The following CDKL2 variants were observed in gnomAD, a reference collection of about 807,000 sequenced individuals.
The protein encoded by CDKL2 is cyclin-dependent kinase-like 2.
CDKL2 carries 64 observed loss-of-function variants against 63.9 expected under a neutral mutation model. That is an observed-to-expected ratio of 1.00 (90% CI 0.82 to 1.23). CDKL2 has a LOEUF of 1.23. Ranked by LOEUF, CDKL2 falls within the 50% of genes most tolerant of loss-of-function variation. The pLI is 0.00. For missense variants in CDKL2, 656 were observed against 668.0 expected (o/e 0.98, Z 0.20); for synonymous variants, 211 against 229.2 (o/e 0.92, Z 0.72).
chr4:75,601,772 T>C (rs1196477157), intron 6 of CDKL2, among the ~76,000 whole-genome samples: 1 of 152,204 alleles, frequency 6.6e-6, no homozygotes, highest in Non-Finnish European at 1.5e-5. Context: ...ATTAAAAATA[T>C]TTGCATCTGT....
intron 5 of CDKL2, among the ~76,000 whole-genome samples, chr4:75,604,738 A>G (rs1481781416): frequency 6.6e-6 from 1 of 152,242 alleles, no homozygotes; most frequent in Admixed American, 6.5e-5. Flanking sequence ...TGATCATTGC[A>G]TCCTCTCTAC....
At chr4:75,599,428 G>T (rs888898122) in intron 7 of CDKL2, among the ~76,000 whole-genome samples, 1 of 151,494 alleles carries the variant, frequency 6.6e-6, no homozygotes, top group Non-Finnish European at 1.5e-5. Flanking sequence ...AGTTGTGGTG[G>T]CACATGCCTG....
intron 2 of CDKL2, among the ~76,000 whole-genome samples, chr4:75,614,948 T>C (rs1409840922): frequency 9.4e-5 from 14 of 148,496 alleles, no homozygotes; most frequent in South Asian, 2.1e-4. Context: ...TATATTCATA[T>C]ATATATATAC....
intron 12 of CDKL2, among the ~76,000 whole-genome samples, chr4:75,582,169 AC>A (rs2148855567): frequency 6.6e-6 from 1 of 152,302 alleles, no homozygotes; most frequent in East Asian, 1.9e-4. Flanking sequence ...GTGTAAGCCC[AC>A]TACAGCCCAT....
At chr4:75,588,985 A>G (rs112755518) in intron 12 of CDKL2, among the ~76,000 whole-genome samples, 3 of 152,352 alleles carry the variant, frequency 2.0e-5, no homozygotes, top group African/African-American at 4.8e-5. Context: ...TTGAACATCA[A>G]AATAAATAAT....
chr4:75,592,114 GA>G (rs1165774168), intron 11 of CDKL2, 31 bp downstream of exon 11: 1 of 1,504,882 alleles, frequency 6.6e-7, no homozygotes, highest in African/African-American at 1.4e-5. Flanking sequence ...AATCTAAACA[GA>G]CTACACAAAG....
At position 75,614,282 on chromosome 4, in the gene CDKL2, A is replaced by G. The variant is rs1314792124; in HGVS notation, c.336T>C (p.Asn112=). 6.2e-7 allele frequency: 1 copy of G among 1,606,464 alleles called. No homozygotes were observed. The highest frequency in any genetic ancestry group is 1.3e-5 in the African/African-American group (1 of 74,702). Reference sequence around the variant, plus strand: ...TGTGACTGTGACAAAATCCAATTCCATTAATAATCTGAAACAAATACTTTT... The same window carrying G: ...TGTGACTGTGACAAAATCCAATTCCGTTAATAATCTGAAACAAATACTTTT... ...VVQKYLFQII[N]GIGFCHSHNI... The change falls in exon 3 of 14, where the codon AAT becomes AAC. Residue 112 remains asparagine (N), a synonymous_variant. Transcript: ENST00000307465.
intron 12 of CDKL2, among the ~76,000 whole-genome samples, chr4:75,589,836 G>C (rs956277502): frequency 8.5e-5 from 13 of 152,070 alleles, no homozygotes; most frequent in African/African-American, 3.1e-4. Context: ...AATTGTGTTA[G>C]CTGGGCATGG....
chr4:75,627,731 CTTTTTTT>C (rs57328528), intron 1 of CDKL2, among the ~76,000 whole-genome samples: 138 of 86,004 alleles, frequency 1.6e-3, no homozygotes, highest in African/African-American at 5.7e-3. Context: ...CTTTTTTTTT[CTTTTTTT>C]TTTTTTTTTT....
chr4:75,598,372 G>A (rs932251935), intron 7 of CDKL2, among the ~76,000 whole-genome samples, 160 bp from the exon 8 acceptor site: 2 of 152,038 alleles, frequency 1.3e-5, no homozygotes, highest in African/African-American at 4.8e-5. Flanking sequence ...GGAAAGGGTG[G>A]TGTGTAGATC....
chr4:75,590,445 T>G (rs34008729), intron 12 of CDKL2, among the ~76,000 whole-genome samples: 2 of 152,056 alleles, frequency 1.3e-5, no homozygotes, highest in Non-Finnish European at 1.5e-5. Flanking sequence ...CTGGGGGCAA[T>G]GCCTCATGCC....
chr4:75,591,466 G>T lies in CDKL2; in HGVS notation c.1647+353C>A, dbSNP rs529957391. The stretch of plus-strand genomic sequence containing the variant: ...TTAAAAATTAATTAGATATGGTGGT[G>T]CATGCCTGTAATCTCAGCTACTTGG... On this transcript the variant is annotated intron_variant, in intron 12 of 13. Transcript: ENST00000307465. Among the ~76,000 whole-genome samples the T allele has an allele frequency of 2.6e-5, 4 of 152,214 alleles. No homozygotes were observed. The East Asian group carries it at 7.7e-4, about 29-fold the overall frequency.
intron 12 of CDKL2, among the ~76,000 whole-genome samples, chr4:75,583,328 A>C (rs1171657879): frequency 6.6e-6 from 1 of 152,232 alleles, no homozygotes; most frequent in Non-Finnish European, 1.5e-5. Context: ...ATTTATCAAG[A>C]GAAACTATTT....
chr4:75,594,091 A>G (rs1728813769), intron 10 of CDKL2, among the ~76,000 whole-genome samples: 1 of 152,180 alleles, frequency 6.6e-6, no homozygotes, highest in African/African-American at 2.4e-5. Flanking sequence ...GTATTATTAT[A>G]AATATTTATT....
At chr4:75,606,824 A>C (rs1729442966) in intron 4 of CDKL2, among the ~76,000 whole-genome samples, 1 of 152,202 alleles carries the variant, frequency 6.6e-6, no homozygotes, top group African/African-American at 2.4e-5. Flanking sequence ...ATGTTTTAAA[A>C]ACATTTTACT....
In CDKL2 at chr4:75,577,727, A is replaced by T. The variant is rs1728083542; in HGVS notation, c.*1475T>A. ...GTTTTTTCAGCATGTTATCCATACTAATGTTGTCAAACAGCTGGTCACAGA... is the reference window on the plus strand; with the variant it reads ...GTTTTTTCAGCATGTTATCCATACTTATGTTGTCAAACAGCTGGTCACAGA... On this transcript the variant is annotated 3_prime_UTR_variant, in exon 14 of 14. Transcript: ENST00000307465. 1.3e-5 allele frequency among the ~76,000 whole-genome samples: 2 copies of T among 152,192 alleles called. No homozygotes were observed. The highest frequency in any genetic ancestry group is 4.1e-4 in the South Asian group (2 of 4,832).
chr4:75,611,379 A>C (rs972344873), intron 3 of CDKL2, among the ~76,000 whole-genome samples: 6 of 149,798 alleles, frequency 4.0e-5, no homozygotes, highest in African/African-American at 1.5e-4. Context: ...GAACCGCTTG[A>C]ACCCAGGAGG....
chr4:75,621,685 G>A (rs370605772), intron 2 of CDKL2, among the ~76,000 whole-genome samples: 11 of 152,058 alleles, frequency 7.2e-5, no homozygotes, highest in African/African-American at 1.9e-4. Context: ...ATAGGCCCAC[G>A]CTATCGCACC....
intron 12 of CDKL2, among the ~76,000 whole-genome samples, chr4:75,590,163 T>A (rs945825736): frequency 1.3e-5 from 2 of 151,898 alleles, no homozygotes; most frequent in African/African-American, 2.4e-5. Flanking sequence ...CAAAACCCTG[T>A]CTCAAAAAAA....
Sources: allele counts gnomAD v4.1 joint callset (sites outside exome capture counted in the v4.1 genomes callset), GRCh38; gene constraint gnomAD v4.1.1; transcripts MANE v1.5; gene names NCBI Gene and HGNC (gene_info 2026-07-23, HGNC 2026-07-21).